The following PPP1R16A variants were observed in gnomAD, a reference collection of about 807,000 sequenced individuals.
The protein encoded by PPP1R16A is protein phosphatase 1 regulatory subunit 16A.
PPP1R16A carries 39 observed loss-of-function variants against 46.6 expected under a neutral mutation model. That is an observed-to-expected ratio of 0.84 (90% CI 0.65 to 1.09). The LOEUF (loss-of-function observed/expected upper bound fraction) is 1.09. Ranked by LOEUF, PPP1R16A falls within the 50% of genes least tolerant of loss-of-function variation. PPP1R16A has a pLI of 0.00. For synonymous variants in PPP1R16A, 413 were observed against 321.5 expected (o/e 1.28, Z -3.04); for missense variants, 798 against 735.6 (o/e 1.08, Z -0.98).
intron 1 of PPP1R16A, among the ~76,000 whole-genome samples, chr8:144,486,320 G>A (rs1400874898): frequency 6.6e-6 from 1 of 152,084 alleles, no homozygotes; most frequent in East Asian, 1.9e-4. Context: ...GCCTGCCCCA[G>A]CCTCCGAAAG....
At position 144,485,486 on chromosome 8, in the gene PPP1R16A, T is replaced by A. The variant is rs144741536; in HGVS notation, c.-913-4548T>A. The stretch of plus-strand genomic sequence containing the variant: ...TTGCAGTGAGCTGAGATTGCGCCAC[T>A]GCACTGCAGCCCGGGCAACAGAGCA... On this transcript the variant is annotated intron_variant, in intron 1 of 11. Transcript: ENST00000435887. Among the ~76,000 whole-genome samples, 540 of 148,956 alleles carry A rather than the reference T, an allele frequency of 3.6e-3. 6 individuals are homozygous for A. The highest frequency in any genetic ancestry group is 0.012 in the African/African-American group (478 of 40,182).
intron 3 of PPP1R16A, chr8:144,498,481 T>G: frequency 2.2e-6 from 1 of 446,196 alleles, no homozygotes. Context: ...GGTGTGGGAT[T>G]GTTGGAGTGC....
At chr8:144,497,974 C>T in intron 3 of PPP1R16A, 1 of 451,380 alleles carries the variant, frequency 2.2e-6, no homozygotes, top group Non-Finnish European at 4.5e-6. Context: ...CTCTTCTCCT[C>T]ACCTGTGCCC....
rs746325471 is a variant in PPP1R16A at position 144,501,591 on chromosome 8, C to T, written c.1275C>T (p.Ser425=). 1.2e-6 allele frequency: 2 copies of T among 1,605,674 alleles called. No individual in the cohort carries two copies. Among genetic ancestry groups the T allele is most frequent in the Admixed American group, 3.4e-5 (2 of 59,236 alleles). ...GCTCCCCAGTGCGGCATCTATACTC[C>T]AAGCGACTAGACCGGAGTGTCTCCT... ...VGGSPVRHLY[S]KRLDRSVSYQ... The change falls in exon 12 of 12, where the codon TCC becomes TCT. Residue 425 remains serine (S), a synonymous_variant. Transcript: ENST00000435887.
At chr8:144,480,955 C>G (rs1825390829) in intron 1 of PPP1R16A, among the ~76,000 whole-genome samples, 1 of 151,398 alleles carries the variant, frequency 6.6e-6, no homozygotes, top group South Asian at 2.1e-4. Flanking sequence ...GTGGCACGAT[C>G]TTGGCTCACT....
Position 144,497,037 on chromosome 8 carries a change from G to A in PPP1R16A, c.-158G>A. 3 of 971,964 alleles carry A rather than the reference G, an allele frequency of 3.1e-6. No homozygotes were observed. The highest frequency in any genetic ancestry group is 4.5e-6 in the Non-Finnish European group (3 of 660,778). The allele number at this position is 971,964 out of a possible 1,614,324, so 60.2% of individuals were successfully genotyped here. A position where few individuals can be genotyped will look rare whatever the true frequency, so the allele number is the denominator to read the frequency against. On this transcript the variant is annotated 5_prime_UTR_variant, in exon 3 of 12. The change creates a new upstream start codon in the 5' untranslated region. Coordinates refer to ENST00000435887, the MANE Select transcript of PPP1R16A (RefSeq NM_001329443.2). ...AGGGCTGCCTGGGCCTGGTTATTGT[G>A]TGGGGCCTCCTGACCCAGCCAAGGG...
intron 1 of PPP1R16A, among the ~76,000 whole-genome samples, chr8:144,487,178 G>A (rs1000713089): frequency 1.5e-4 from 23 of 151,968 alleles, no homozygotes; most frequent in African/African-American, 2.9e-4. Flanking sequence ...TAGTAGAGAC[G>A]GGGTTTCACC....
chr8:144,492,368 C>T (rs1479162570), intron 2 of PPP1R16A, among the ~76,000 whole-genome samples: 1 of 139,386 alleles, frequency 7.2e-6, no homozygotes, highest in African/African-American at 2.7e-5. Context: ...GGGAGTCTCT[C>T]TCTGTCACCC....
At chr8:144,488,496 C>T (rs1294888169) in intron 1 of PPP1R16A, among the ~76,000 whole-genome samples, 1 of 151,888 alleles carries the variant, frequency 6.6e-6, no homozygotes, top group Non-Finnish European at 1.5e-5. Context: ...AGAGAGGAGG[C>T]GATGGGCAGA....
At chr8:144,494,786 C>T (rs1011158137) in intron 2 of PPP1R16A, among the ~76,000 whole-genome samples, 3 of 152,170 alleles carry the variant, frequency 2.0e-5, no homozygotes, top group African/African-American at 7.2e-5. Context: ...CTTGCCAGCC[C>T]TGTCAGGAAG....
Position 144,493,999 on chromosome 8 carries a change from C to T in PPP1R16A, c.-734-2462C>T, listed in dbSNP as rs952865505. Among the ~76,000 whole-genome samples, 1 of 152,162 alleles carries T rather than the reference C, an allele frequency of 6.6e-6. No individual in the cohort carries two copies. Among genetic ancestry groups the T allele is most frequent in the African/African-American group, 2.4e-5 (1 of 41,454 alleles). On this transcript the variant is annotated intron_variant, in intron 2 of 11. Coordinates refer to ENST00000435887, the MANE Select transcript of PPP1R16A (RefSeq NM_001329443.2). The surrounding 1 kb of genome is among the most constrained non-coding windows in gnomAD (Gnocchi z 4.3). The stretch of plus-strand genomic sequence containing the variant: ...CTCTGATGAATTTTCACGGATGTGC[C>T]TCGGAATGAGAAACAAGACAGGCGT...
Position 144,496,823 on chromosome 8 carries a change from G to GTTA in PPP1R16A, c.-370_-368dup, listed in dbSNP as rs963633255. 1 of 299,656 alleles carries GTTA rather than the reference G, an allele frequency of 3.3e-6. No homozygotes were observed. 18.6% of individuals were successfully genotyped at this position (299,656 alleles called of 1,614,324 possible). ...CAGGGTGCCCGGAAGCTGGAACCTT[G>GTTA]TTATCTGGGTAATTAGTTTCAGACC... is the stretch of plus-strand genomic sequence containing the variant. On this transcript the variant is annotated 5_prime_UTR_variant, in exon 3 of 12. Transcript: ENST00000435887.
Position 144,493,410 on chromosome 8 carries a change from C to T in PPP1R16A, c.-734-3051C>T, listed in dbSNP as rs200048295. ...TGGGTGTGTCCATTTGGTGGGACTA[C>T]GAGCTGGCCACCAGGCTCTCATGGC... On this transcript the variant is annotated intron_variant, in intron 2 of 11. Transcript: ENST00000435887. This position sits in a 1 kb window ranked among gnomAD's most constrained non-coding sequence, Gnocchi z 4.3. Among the ~76,000 whole-genome samples, 33 of 152,312 alleles carry T rather than the reference C, an allele frequency of 2.2e-4. No individual in the cohort carries two copies. In the East Asian group the frequency reaches 4.2e-3, roughly 20 times the overall value.
rs537898740 is a variant in PPP1R16A at position 144,482,348 on chromosome 8, G to A, written c.-914+4221G>A. On this transcript the variant is annotated intron_variant, in intron 1 of 11. Coordinates refer to ENST00000435887, the MANE Select transcript of PPP1R16A (RefSeq NM_001329443.2). ...GCTGGGATTATAGGCATGAGCCACC[G>A]CTCCTGGCCAGTTTATAGTTTTCTT... Among the ~76,000 whole-genome samples, 96 of 152,204 alleles carry A rather than the reference G, an allele frequency of 6.3e-4. 1 individual carries two copies. Among genetic ancestry groups the A allele is most frequent in the African/African-American group, 2.3e-3 (95 of 41,520 alleles).
intron 1 of PPP1R16A, among the ~76,000 whole-genome samples, chr8:144,484,050 G>A (rs376009275): frequency 9.2e-5 from 14 of 152,240 alleles, no homozygotes; most frequent in East Asian, 3.9e-4. Flanking sequence ...TGTCACCTGC[G>A]CCCTAGGTTG....
chr8:144,478,548 G>A lies in PPP1R16A; in HGVS notation c.-914+421G>A, dbSNP rs923152225. On this transcript the variant is annotated intron_variant, in intron 1 of 11. Transcript: ENST00000435887. ...GTGTGTGGATTCTCCGCAGCCCGTC[G>A]GTCAGGTAGACAGCTCCGGAATTGT... The A allele has an allele frequency of 3.0e-5, 5 of 167,150 alleles. No individual in the cohort carries two copies. In the South Asian group the frequency reaches 8.0e-4, roughly 27 times the overall value. 10.4% of individuals were successfully genotyped at this position (167,150 alleles called of 1,614,324 possible). A position where few individuals can be genotyped will look rare whatever the true frequency, so the allele number is the denominator to read the frequency against.
At position 144,501,558 on chromosome 8, in the gene PPP1R16A, A is replaced by T. The variant is rs146709136; in HGVS notation, c.1242A>T (p.Arg414=). 7 of 1,589,014 alleles carry T rather than the reference A, an allele frequency of 4.4e-6. No individual in the cohort carries two copies. The highest frequency in any genetic ancestry group is 4.3e-6 in the Non-Finnish European group (5 of 1,168,396). Reference sequence around the variant, plus strand: ...AAGTGGTCAGGCCGCACAATGGCCGAGTAGGGGGCTCCCCAGTGCGGCATC... The same window carrying T: ...AAGTGGTCAGGCCGCACAATGGCCGTGTAGGGGGCTCCCCAGTGCGGCATC... ...NPEVVRPHNG[R]VGGSPVRHLY... Residue 414 remains arginine, a synonymous_variant, in exon 12 of 12, where the codon CGA becomes CGT. Transcript: ENST00000435887.
chr8:144,488,434 G>A (rs1825690888), intron 1 of PPP1R16A, among the ~76,000 whole-genome samples: 1 of 152,176 alleles, frequency 6.6e-6, no homozygotes, highest in Non-Finnish European at 1.5e-5. Flanking sequence ...GGGCATGGCA[G>A]CGAGGGAGGC....
chr8:144,499,214 G>C (rs1231638205), intron 5 of PPP1R16A, 153 bp downstream of exon 5: 18 of 1,018,728 alleles, frequency 1.8e-5, no homozygotes, highest in Non-Finnish European at 2.2e-5. Flanking sequence ...GGAGAGCAGG[G>C]CCTGGGGCTC....
Sources: allele counts gnomAD v4.1 joint callset (sites outside exome capture counted in the v4.1 genomes callset), GRCh38; gene constraint gnomAD v4.1.1; non-coding constraint Gnocchi (gnomAD v3.1); transcripts MANE v1.5; gene names NCBI Gene and HGNC (gene_info 2026-07-23, HGNC 2026-07-21).